Variants in TRIM71 observed in about 807,000 individuals in gnomAD.
TRIM71 encodes tripartite motif containing 71, also known as E3 ubiquitin-protein ligase TRIM71.
In TRIM71, 9 loss-of-function variants were observed where a neutral mutation model predicts 61.2. The ratio of observed to expected loss-of-function variants is 0.15; its 90% CI spans 0.09 to 0.26. The LOEUF is 0.26. Among genes scored for constraint, TRIM71 ranks in the 10% least tolerant of loss-of-function variants. The pLI, the probability that TRIM71 is intolerant of heterozygous loss-of-function variation, is 1.00. For missense variants in TRIM71, 998 were observed against 1,238.7 expected, an observed-to-expected ratio of 0.81 and a Z score of 2.92; for synonymous variants, 645 against 553.2, an observed-to-expected ratio of 1.17 and a Z score of -2.33.
chr3:32,831,595 A>G (rs1005419795), intron 1 of TRIM71, among the ~76,000 whole-genome samples: 8 of 143,046 alleles, frequency 5.6e-5, no homozygotes, highest in African/African-American at 2.1e-4. Context: ...CTGGAGTACA[A>G]TGGCGCGATC....
intron 2 of TRIM71, among the ~76,000 whole-genome samples, chr3:32,882,883 G>C (rs1696925083): frequency 6.6e-6 from 1 of 152,182 alleles, no homozygotes; most frequent in African/African-American, 2.4e-5. Context: ...GACAGCAGAA[G>C]TTGGTTTCAA....
chr3:32,860,701 T>A (rs1696657455), intron 1 of TRIM71, among the ~76,000 whole-genome samples: 1 of 152,150 alleles, frequency 6.6e-6, no homozygotes. Context: ...GTTACTCCCC[T>A]GTGTAGGGGA....
At chr3:32,836,853 G>A (rs548866499) in intron 1 of TRIM71, among the ~76,000 whole-genome samples, 1 of 152,270 alleles carries the variant, frequency 6.6e-6, no homozygotes, top group Admixed American at 6.5e-5. Flanking sequence ...TAGCTATTAA[G>A]GAAATAGTCT....
chr3:32,891,856 C>CTT lies in TRIM71; in HGVS notation c.*46_*47insTT, dbSNP rs749979918. 1 of 1,004,246 alleles carries CTT rather than the reference C, an allele frequency of 1.0e-6. No homozygotes were observed. The highest frequency in any genetic ancestry group is 1.4e-5 in the South Asian group (1 of 70,740). The allele number at this position is 1,004,246 out of a possible 1,614,324, so 62.2% of individuals were successfully genotyped here. The stretch of plus-strand genomic sequence containing the variant: ...GTGTTTGGGGTGTGTGTGCGTGTCT[C>CTT]TCTCTCTCTCTCTCTCTTTCTCTTT... On this transcript the variant is annotated 3_prime_UTR_variant, in exon 4 of 4. Coordinates refer to ENST00000383763, the MANE Select transcript of TRIM71 (RefSeq NM_001039111.3). The surrounding 1 kb of genome is among the most constrained non-coding windows in gnomAD (Gnocchi z 8.2).
In TRIM71 at chr3:32,818,649, C is replaced by T. The variant is rs1224678851; in HGVS notation, c.569C>T (p.Ala190Val). 2.7e-6 allele frequency: 4 copies of T among 1,479,330 alleles called. No individual in the cohort carries two copies. The highest frequency in any genetic ancestry group is 2.9e-5 in the African/African-American group (2 of 68,164). 91.6% of individuals were successfully genotyped at this position (1,479,330 alleles called of 1,614,324 possible). A position where few individuals can be genotyped will look rare whatever the true frequency, so the allele number is the denominator to read the frequency against. ...APGGPAASPS[A>V]LLLRRPHGCS... ...GGCGGCCCTGCCGCTTCCCCGTCGG[C>T]GCTGCTGCTCCGCCGTCCTCACGGC... Residue 190 changes from alanine (A) to valine (V), a missense_variant, in exon 1 of 4, where the codon GCG (alanine) becomes GTG (valine). Ala to Val is a moderately conservative substitution (Grantham distance 64). This residue lies in a region of TRIM71 where 527 missense variants were observed against 427.8 expected (regional missense o/e 1.23). Transcript: ENST00000383763.
chr3:32,891,713 G>A lies in TRIM71; in HGVS notation c.2509G>A (p.Gly837Ser), dbSNP rs759524012. 9.9e-6 allele frequency: 16 copies of A among 1,614,150 alleles called. No homozygotes were observed. The highest frequency in any genetic ancestry group is 1.3e-5 in the Non-Finnish European group (15 of 1,180,018). The change falls in exon 4 of 4, where the codon GGC (glycine) becomes AGC (serine). Residue 837 changes from glycine (G) to serine (S), a missense_variant. Around this residue, in one of 5 missense-constraint regions of TRIM71, gnomAD observed 95 missense variants for 159.0 expected, o/e 0.60. Coordinates refer to ENST00000383763, the MANE Select transcript of TRIM71 (RefSeq NM_001039111.3). The surrounding 1 kb of genome is among the most constrained non-coding windows in gnomAD (Gnocchi z 8.2). ...GTGCAAGTTTGGTGCTCAAGGCAGCGGCTTTGGGCAGATGGACCGCCCTTC... is the reference window on the plus strand; with the variant it reads ...GTGCAAGTTTGGTGCTCAAGGCAGCAGCTTTGGGCAGATGGACCGCCCTTC... ...FLCKFGAQGS[G>S]FGQMDRPSGI...
At chr3:32,821,455 T>C (rs916608981) in intron 1 of TRIM71, among the ~76,000 whole-genome samples, 2 of 148,714 alleles carry the variant, frequency 1.3e-5, no homozygotes, top group South Asian at 2.1e-4. Flanking sequence ...GGGGACTTTC[T>C]TCCTTAAGCA....
intron 1 of TRIM71, among the ~76,000 whole-genome samples, chr3:32,862,583 A>G (rs555898681): frequency 1.1e-4 from 16 of 152,248 alleles, no homozygotes; most frequent in Non-Finnish European, 2.1e-4. Flanking sequence ...ACTCTTGTCC[A>G]TAGCACAACA....
intron 1 of TRIM71, among the ~76,000 whole-genome samples, chr3:32,847,320 C>T (rs1696487204): frequency 6.6e-6 from 1 of 152,070 alleles, no homozygotes; most frequent in Non-Finnish European, 1.5e-5. Context: ...CCTCCACCTC[C>T]CGAGTAGCTG....
rs1459151582 is a variant in TRIM71 at position 32,896,799 on chromosome 3, T to C, written c.*4988T>C. On this transcript the variant is annotated 3_prime_UTR_variant, in exon 4 of 4. Transcript: ENST00000383763. ...GCTCAGGTAGTATTTTTCTTAAGAC[T>C]CTATCTCAGAGCACACTGACTGAAT... 6.6e-6 allele frequency: 1 copy of C among 152,210 alleles called. No homozygotes were observed. The highest frequency in any genetic ancestry group is 1.5e-5 in the Non-Finnish European group (1 of 68,036). 9.4% of individuals were successfully genotyped at this position (152,210 alleles called of 1,614,324 possible). A position where few individuals can be genotyped will look rare whatever the true frequency, so the allele number is the denominator to read the frequency against.
At chr3:32,851,279 A>G (rs1696535838) in intron 1 of TRIM71, among the ~76,000 whole-genome samples, 1 of 152,210 alleles carries the variant, frequency 6.6e-6, no homozygotes, top group Non-Finnish European at 1.5e-5. Flanking sequence ...AGAACTGAAT[A>G]CAGTTGGTAA....
intron 1 of TRIM71, among the ~76,000 whole-genome samples, chr3:32,852,759 TAA>T (rs36040321): frequency 8.2e-5 from 11 of 133,912 alleles, no homozygotes; most frequent in African/African-American, 2.9e-4. Flanking sequence ...TACTGTCTTT[TAA>T]AAAAAAAAAA....
intron 3 of TRIM71, among the ~76,000 whole-genome samples, chr3:32,887,968 T>G (rs1696979266): frequency 6.6e-6 from 1 of 152,176 alleles, no homozygotes; most frequent in Non-Finnish European, 1.5e-5. Context: ...GTAGAACAAC[T>G]CAAGTCATGG....
intron 3 of TRIM71, among the ~76,000 whole-genome samples, chr3:32,889,743 C>A (rs1174401747): frequency 6.6e-6 from 1 of 152,018 alleles, no homozygotes; most frequent in Non-Finnish European, 1.5e-5. Flanking sequence ...GCACCTGTTA[C>A]CACACTTGGT....
chr3:32,864,562 G>A (rs1359268754), intron 1 of TRIM71, among the ~76,000 whole-genome samples: 1 of 152,230 alleles, frequency 6.6e-6, no homozygotes, highest in Non-Finnish European at 1.5e-5. Flanking sequence ...GAGGCAGAGT[G>A]TGGAGGACGT....
At chr3:32,837,049 A>G (rs1183873226) in intron 1 of TRIM71, among the ~76,000 whole-genome samples, 4 of 152,196 alleles carry the variant, frequency 2.6e-5, no homozygotes, top group Admixed American at 1.3e-4. Context: ...AAATTACAAA[A>G]GAAATAAGTA....
At chr3:32,866,336 C>T (rs1034532975) in intron 1 of TRIM71, among the ~76,000 whole-genome samples, 1 of 151,990 alleles carries the variant, frequency 6.6e-6, no homozygotes, top group African/African-American at 2.4e-5. Flanking sequence ...GCAATCTCTG[C>T]CCCCTGGGTT....
rs1455352169 is a variant in TRIM71 at position 32,890,041 on chromosome 3, C to G, written c.1156-319C>G. ...GATTTTGATACAGTACTAGCATCTA[C>G]TCCTCAGTCCATAATCAAGGTTCAA... On this transcript the variant is annotated intron_variant, in intron 3 of 3. Transcript: ENST00000383763. The surrounding 1 kb of genome is among the most constrained non-coding windows in gnomAD (Gnocchi z 6.2). Among the ~76,000 whole-genome samples the G allele has an allele frequency of 6.6e-6, 1 of 152,168 alleles. No individual in the cohort carries two copies. Among genetic ancestry groups the G allele is most frequent in the African/African-American group, 2.4e-5 (1 of 41,420 alleles).
At chr3:32,875,323 C>T (rs1275116033) in intron 2 of TRIM71, among the ~76,000 whole-genome samples, 1 of 152,196 alleles carries the variant, frequency 6.6e-6, no homozygotes, top group Non-Finnish European at 1.5e-5. Flanking sequence ...TGGCAGGGTT[C>T]TCTCACATAG....
Sources: gnomAD v4.1 joint callset for allele counts (sites outside exome capture counted in the v4.1 genomes callset) on GRCh38, gnomAD v4.1.1 for gene constraint, gnomAD v4.1.1 regional missense constraint, Gnocchi (gnomAD v3.1) non-coding constraint, MANE v1.5 for transcripts, NCBI Gene and HGNC (gene_info 2026-07-23, HGNC 2026-07-21) for gene names.